The following SSUH2 variants were observed in gnomAD, a reference collection of about 807,000 sequenced individuals.
SSUH2 encodes the protein ssu-2 homolog.
A neutral mutation model predicts 55.3 loss-of-function variants in SSUH2; 47 were observed. The observed-to-expected ratio is 0.85, with a 90% CI of 0.67 to 1.08. The LOEUF is 1.08. SSUH2 is among the 50% of genes least tolerant of loss of function. SSUH2 has a pLI of 0.00. For synonymous variants in SSUH2, 212 were observed against 191.5 expected, an observed-to-expected ratio of 1.11 and a Z score of -0.89; for missense variants, 535 against 490.7, an observed-to-expected ratio of 1.09 and a Z score of -0.85.
upstream of SSUH2, among the ~76,000 whole-genome samples, chr3:8,646,591 C>G (rs1701706063): frequency 6.6e-6 from 1 of 152,312 alleles, no homozygotes; most frequent in South Asian, 2.1e-4. Flanking sequence ...TCTTAAAACG[C>G]ATGGAAGATA....
chr3:8,656,381 G>A (rs150756848), intron 7 of SSUH2, among the ~76,000 whole-genome samples: 58 of 152,270 alleles, frequency 3.8e-4, no homozygotes, highest in Admixed American at 1.0e-3. Context: ...GCTGCTGCCC[G>A]CCTCCTGGCC....
chr3:8,629,508 T>C (rs998434945), intron 7 of SSUH2, 156 bp downstream of exon 7: 9 of 637,654 alleles, frequency 1.4e-5, no homozygotes, highest in Admixed American at 2.7e-5. Flanking sequence ...TTTCATTTTA[T>C]AGACGGGAAA....
intron 7 of SSUH2, chr3:8,651,870 A>G (rs1702452613): frequency 6.5e-6 from 1 of 152,676 alleles, no homozygotes; most frequent in African/African-American, 2.4e-5. Context: ...CCAGCCACAC[A>G]TACAGGAAAC....
At chr3:8,666,100 T>C (rs973810956) in intron 5 of SSUH2, among the ~76,000 whole-genome samples, 5 of 152,240 alleles carry the variant, frequency 3.3e-5, no homozygotes, top group African/African-American at 1.2e-4. Context: ...GGTTTCCTTA[T>C]GGAGTTTCAA....
At chr3:8,630,519 A>C (rs1698549030) in intron 6 of SSUH2, among the ~76,000 whole-genome samples, 1 of 152,238 alleles carries the variant, frequency 6.6e-6, no homozygotes, top group South Asian at 2.1e-4. Flanking sequence ...TGAAAACTAC[A>C]CTCAACCTGT....
intron 1 of SSUH2, among the ~76,000 whole-genome samples, chr3:8,680,466 G>A (rs1705867289): frequency 6.6e-6 from 1 of 152,014 alleles, no homozygotes; most frequent in Non-Finnish European, 1.5e-5. Context: ...TGTCTGTACT[G>A]GGAGTAATAT....
chr3:8,679,526 A>AG (rs1185224950), intron 2 of SSUH2, among the ~76,000 whole-genome samples: 1 of 117,360 alleles, frequency 8.5e-6, no homozygotes, highest in Non-Finnish European at 1.7e-5. Flanking sequence ...CATCGCAGGT[A>AG]GGGGAGGCAC....
upstream of SSUH2, among the ~76,000 whole-genome samples, chr3:8,649,255 T>C (rs1575267027): frequency 6.6e-6 from 1 of 152,246 alleles, no homozygotes; most frequent in East Asian, 1.9e-4. Flanking sequence ...TCGCCACATC[T>C]TACCACATCT....
chr3:8,631,933 C>T, intron 5 of SSUH2, 116 bp downstream of exon 5: 1 of 793,876 alleles, frequency 1.3e-6, no homozygotes, highest in Non-Finnish European at 2.2e-6. Flanking sequence ...GAAGCCAAGG[C>T]TCCAAGCAGA....
At chr3:8,638,378 T>C (rs1006182143) in intron 1 of SSUH2, among the ~76,000 whole-genome samples, 1 of 152,194 alleles carries the variant, frequency 6.6e-6, no homozygotes, top group African/African-American at 2.4e-5. Flanking sequence ...TAAGGTCTTT[T>C]CCTCCTGGCA....
chr3:8,671,268 G>A (rs1306353888), intron 4 of SSUH2: 1 of 167,576 alleles, frequency 6.0e-6, no homozygotes, highest in Non-Finnish European at 1.3e-5. Flanking sequence ...GACATTAGGG[G>A]TGACATCCCA....
At chr3:8,620,913 C>G (rs1696299064) in intron 11 of SSUH2, among the ~76,000 whole-genome samples, 1 of 152,252 alleles carries the variant, frequency 6.6e-6, no homozygotes, top group Non-Finnish European at 1.5e-5. Flanking sequence ...ACCTCATTCC[C>G]TCCCACAGGG....
At chr3:8,623,693 G>A (rs762317275) in intron 10 of SSUH2, 37 bp from the exon 11 acceptor site, 14 of 1,129,266 alleles carry the variant, frequency 1.2e-5, no homozygotes, top group Non-Finnish European at 1.7e-5. Flanking sequence ...CCACCTGGCT[G>A]CCGCACCTGG....
At position 8,619,863 on chromosome 3, in the gene SSUH2, C is replaced by G. The variant is rs1242706868; in HGVS notation, c.*5G>C. ...ATGGCAGGCTCTGGGGACAGCCATG[C>G]TATGTCACACGATGGTACAGCCACA... On this transcript the variant is annotated 3_prime_UTR_variant, in exon 12 of 12. Coordinates refer to ENST00000544814, the MANE Select transcript of SSUH2 (RefSeq NM_001256748.3). 3 of 1,612,882 alleles carry G rather than the reference C, an allele frequency of 1.9e-6. No individual in the cohort carries two copies. The highest frequency in any genetic ancestry group is 2.5e-6 in the Non-Finnish European group (3 of 1,179,500).
chr3:8,643,166 T>C (rs1026577179), intron 1 of SSUH2, among the ~76,000 whole-genome samples: 4 of 152,236 alleles, frequency 2.6e-5, no homozygotes, highest in African/African-American at 9.6e-5. Context: ...CCATGTCTAC[T>C]CTGGGCTGGT....
chr3:8,663,187 C>A (rs1703665384), intron 6 of SSUH2, among the ~76,000 whole-genome samples: 2 of 152,222 alleles, frequency 1.3e-5, no homozygotes, highest in Non-Finnish European at 2.9e-5. Flanking sequence ...CATTTTACAG[C>A]TCATAAAGCT....
At chr3:8,638,402 G>T (rs1700265087) in intron 1 of SSUH2, among the ~76,000 whole-genome samples, 1 of 152,192 alleles carries the variant, frequency 6.6e-6, no homozygotes, top group Non-Finnish European at 1.5e-5. Context: ...AACCTACAAG[G>T]AAGGTAAATA....
chr3:8,658,373 C>A (rs1290000851), intron 7 of SSUH2, among the ~76,000 whole-genome samples: 1 of 152,180 alleles, frequency 6.6e-6, no homozygotes, highest in Non-Finnish European at 1.5e-5. Context: ...AGAGGGGGTA[C>A]TCTGGGCCTT....
intron 3 of SSUH2, 115 bp downstream of exon 3, chr3:8,635,185 T>G: frequency 1.3e-6 from 1 of 785,470 alleles, no homozygotes; most frequent in Non-Finnish European, 2.0e-6. Context: ...GCAGTAGGTC[T>G]GGGGTGCAGA....
Sources: gnomAD v4.1 joint callset for allele counts (sites outside exome capture counted in the v4.1 genomes callset) on GRCh38, gnomAD v4.1.1 for gene constraint, MANE v1.5 for transcripts, NCBI Gene and HGNC (gene_info 2026-07-23, HGNC 2026-07-21) for gene names.